The following NHLRC2 variants were observed in gnomAD, a reference collection of about 807,000 sequenced individuals.
NHLRC2 encodes NHL repeat containing 2.
A neutral mutation model predicts 68.1 loss-of-function variants in NHLRC2; 33 were observed. The ratio of observed to expected loss-of-function variants is 0.48; its 90% CI spans 0.37 to 0.65. The LOEUF (loss-of-function observed/expected upper bound fraction) is 0.65. NHLRC2 is among the 30% of genes least tolerant of loss of function. The probability of loss-of-function intolerance (pLI) is 0.00; values close to 1 mark genes in which losing one functional copy is unlikely to be tolerated. For missense variants in NHLRC2, 761 were observed against 853.8 expected (o/e 0.89, Z 1.35); for synonymous variants, 311 against 309.6 (o/e 1.00, Z -0.05).
Position 113,888,528 on chromosome 10 carries a change from GTTTATGTAT to G in NHLRC2, c.1039+4153_1039+4161del, listed in dbSNP as rs1846103043. Reference sequence around the variant, plus strand: ...CTACATGTAGTATGTAAATGCATGTGTTTATGTATTTTAAATGGTATCTGAATATTTAAC... The same window carrying G: ...CTACATGTAGTATGTAAATGCATGTGTTTAAATGGTATCTGAATATTTAAC... On this transcript the variant is annotated intron_variant, in intron 5 of 10. Transcript: ENST00000369301. Among the ~76,000 whole-genome samples the G allele has an allele frequency of 1.1e-4, 16 of 152,218 alleles. No homozygotes were observed. The South Asian group carries it at 3.3e-3, about 32-fold the overall frequency.
rs202048071 is a variant in NHLRC2, at chr10:113,908,402, A to T, written c.2047A>T (p.Ser683Cys). ...CLSLEAIVSV[S>C]VFLYYCSADS... ...ATCACTTGAAGCCATTGTATCTGTC[A>T]GTGTGTTTCTTTATTACTGTAGTGC... is the stretch of plus-strand genomic sequence containing the variant. The change falls in exon 11 of 11, where the codon AGT becomes TGT. Residue 683 changes from serine (S) to cysteine (C), a missense_variant. By Grantham distance (112) the Ser-to-Cys change is moderately radical. Coordinates refer to ENST00000369301, the MANE Select transcript of NHLRC2 (RefSeq NM_198514.4). The T allele has an allele frequency of 6.1e-5, 98 of 1,614,054 alleles. No homozygotes were observed. Among genetic ancestry groups the T allele is most frequent in the Admixed American group, 3.7e-4 (22 of 60,010 alleles).
In NHLRC2 at chr10:113,854,863, C is replaced by G; in HGVS notation, c.-10C>G. 1 of 1,538,700 alleles carries G rather than the reference C, an allele frequency of 6.5e-7. No homozygotes were observed. The highest frequency in any genetic ancestry group is 8.8e-7 in the Non-Finnish European group (1 of 1,142,422). ...GGGCCCGGCGGCCGCATCGGGAGCC[C>G]GGCGGAAACATGGCGGCGCCCGGAG... On this transcript the variant is annotated 5_prime_UTR_variant, in exon 1 of 11. Coordinates refer to ENST00000369301, the MANE Select transcript of NHLRC2 (RefSeq NM_198514.4).
chr10:113,902,456 T>A lies in NHLRC2; in HGVS notation c.1372-15T>A. On this transcript the variant is annotated splice_polypyrimidine_tract_variant and intron_variant, in intron 7 of 10. Coordinates refer to ENST00000369301, the MANE Select transcript of NHLRC2 (RefSeq NM_198514.4). ...ATAATAACTGCTGTTTCTTTTCTTT[T>A]AAAAAAAATTAAAGAATTTATTTGC... is the stretch of plus-strand genomic sequence containing the variant. The A allele has an allele frequency of 1.3e-6, 2 of 1,521,588 alleles. No individual in the cohort carries two copies. The highest frequency in any genetic ancestry group is 1.4e-5 in the African/African-American group (1 of 71,190). The allele number at this position is 1,521,588 out of a possible 1,614,324, so 94.3% of individuals were successfully genotyped here. A position where few individuals can be genotyped will look rare whatever the true frequency, so the allele number is the denominator to read the frequency against.
chr10:113,864,165 A>G (rs1404279014), intron 2 of NHLRC2, among the ~76,000 whole-genome samples: 1 of 152,224 alleles, frequency 6.6e-6, no homozygotes, highest in Non-Finnish European at 1.5e-5. Flanking sequence ...TCACTTACAC[A>G]GGGTACTTAG....
intron 10 of NHLRC2, among the ~76,000 whole-genome samples, chr10:113,907,926 C>T (rs1241408442): frequency 2.0e-5 from 3 of 151,964 alleles, no homozygotes; most frequent in African/African-American, 4.8e-5. Context: ...TCTCAAGTGT[C>T]GTATGTTTAT....
At chr10:113,861,604 TAA>T (rs1415799459) in intron 2 of NHLRC2, among the ~76,000 whole-genome samples, 1 of 152,062 alleles carries the variant, frequency 6.6e-6, no homozygotes, top group Non-Finnish European at 1.5e-5. Context: ...TCCAGATAAA[TAA>T]AAGCTAAGGG....
At chr10:113,868,462 A>G (rs533492789) in intron 2 of NHLRC2, among the ~76,000 whole-genome samples, 2 of 152,340 alleles carry the variant, frequency 1.3e-5, no homozygotes, top group African/African-American at 4.8e-5. Context: ...ACAGAAACAA[A>G]TGGGAGTGGA....
Position 113,908,676 on chromosome 10 carries a change from A to T in NHLRC2, c.*140A>T. ...GCTCAGTTCAGACAACTGATATTAA[A>T]ATAAAGCTATGCTCCTTACTTACTT... On this transcript the variant is annotated 3_prime_UTR_variant, in exon 11 of 11. Coordinates refer to ENST00000369301, the MANE Select transcript of NHLRC2 (RefSeq NM_198514.4). 4.1e-6 allele frequency: 3 copies of T among 724,602 alleles called. No individual in the cohort carries two copies. In the South Asian group the frequency reaches 5.6e-5, roughly 14 times the overall value. The allele number at this position is 724,602 out of a possible 1,614,324, so 44.9% of individuals were successfully genotyped here. A position where few individuals can be genotyped will look rare whatever the true frequency, so the allele number is the denominator to read the frequency against.
At position 113,908,728 on chromosome 10, in the gene NHLRC2, T is replaced by C; in HGVS notation, c.*192T>C. On this transcript the variant is annotated 3_prime_UTR_variant, in exon 11 of 11. Transcript: ENST00000369301. Reference sequence around the variant, plus strand: ...TTTTATTATAAACAAATTCCTTTGCTTTGGCTGATACTAGCTGAGTCATTG... The same window carrying C: ...TTTTATTATAAACAAATTCCTTTGCCTTGGCTGATACTAGCTGAGTCATTG... The C allele has an allele frequency of 1.7e-6, 1 of 593,392 alleles. No individual in the cohort carries two copies. Among genetic ancestry groups the C allele is most frequent in the Non-Finnish European group, 3.0e-6 (1 of 337,950 alleles). The allele number at this position is 593,392 out of a possible 1,614,324, so 36.8% of individuals were successfully genotyped here.
intron 5 of NHLRC2, 76 bp from the exon 6 acceptor site, chr10:113,898,034 T>G (rs1846191189): frequency 1.4e-6 from 1 of 727,166 alleles, no homozygotes; most frequent in South Asian, 2.4e-5. Context: ...CCTCCATAAA[T>G]TTAACATTTT....
At chr10:113,873,061 A>G (rs1468594264) in intron 2 of NHLRC2, among the ~76,000 whole-genome samples, 7 of 152,202 alleles carry the variant, frequency 4.6e-5, no homozygotes, top group Admixed American at 1.3e-4. Flanking sequence ...TTACAAAGAC[A>G]TGTAAGTTAG....
At chr10:113,861,525 CA>C (rs1320410999) in intron 2 of NHLRC2, among the ~76,000 whole-genome samples, 3 of 152,252 alleles carry the variant, frequency 2.0e-5, no homozygotes, top group Non-Finnish European at 2.9e-5. Context: ...ACTAAAGGAA[CA>C]AAACTGTCAA....
chr10:113,881,265 T>G (rs1307677219), intron 4 of NHLRC2, among the ~76,000 whole-genome samples: 2 of 151,798 alleles, frequency 1.3e-5, no homozygotes, highest in Non-Finnish European at 3.0e-5. Context: ...CTTTACAACT[T>G]AATGGGTTTT....
At chr10:113,889,491 G>T (rs1279531323) in intron 5 of NHLRC2, among the ~76,000 whole-genome samples, 3 of 152,064 alleles carry the variant, frequency 2.0e-5, no homozygotes, top group Non-Finnish European at 2.9e-5. Context: ...GTTAAAATAA[G>T]TTATATCTTT....
At chr10:113,875,974 G>A (rs1045261360) in intron 2 of NHLRC2, among the ~76,000 whole-genome samples, 1 of 149,234 alleles carries the variant, frequency 6.7e-6, no homozygotes, top group Non-Finnish European at 1.5e-5. Flanking sequence ...AGAGAAGTAT[G>A]TTTTCAGCAG....
chr10:113,906,878 G>A (rs990831617), intron 10 of NHLRC2, among the ~76,000 whole-genome samples: 1 of 152,226 alleles, frequency 6.6e-6, no homozygotes, highest in African/African-American at 2.4e-5. Flanking sequence ...AGCTACTCAG[G>A]AGGCTGAGGC....
At chr10:113,867,619 G>T (rs768551771) in intron 2 of NHLRC2, among the ~76,000 whole-genome samples, 1 of 152,104 alleles carries the variant, frequency 6.6e-6, no homozygotes, top group African/African-American at 2.4e-5. Flanking sequence ...AAGTATCATT[G>T]TTCCTCTTGC....
At chr10:113,860,798 G>T (rs1461288624) in intron 2 of NHLRC2, among the ~76,000 whole-genome samples, 3 of 152,182 alleles carry the variant, frequency 2.0e-5, no homozygotes, top group African/African-American at 4.8e-5. Flanking sequence ...CACTACAGAG[G>T]CTCCTTGACT....
chr10:113,908,479 A>C lies in NHLRC2; in HGVS notation c.2124A>C (p.Gln708His). 6.2e-7 allele frequency: 1 copy of C among 1,614,118 alleles called. No individual in the cohort carries two copies. The highest frequency in any genetic ancestry group is 8.5e-7 in the Non-Finnish European group (1 of 1,179,970). The change falls in exon 11 of 11, where the codon CAA becomes CAC. Residue 708 changes from glutamine to histidine, a missense_variant. Gln to His is a conservative substitution (Grantham distance 24). Transcript: ENST00000369301. ...CAATTTTGTTCAGTCAGCCTTTACAAATAACGGATACACAGCAAGGTTGCA... is the reference window on the plus strand; with the variant it reads ...CAATTTTGTTCAGTCAGCCTTTACACATAACGGATACACAGCAAGGTTGCA... The part of the protein sequence containing the change: ...MKAILFSQPL[Q>H]ITDTQQGCIA...
Sources: allele counts gnomAD v4.1 joint callset (sites outside exome capture counted in the v4.1 genomes callset), GRCh38; gene constraint gnomAD v4.1.1; transcripts MANE v1.5; gene names NCBI Gene and HGNC (gene_info 2026-07-23, HGNC 2026-07-21).